CDH18: variants seen among roughly 807,000 people sequenced by gnomAD.
CDH18 encodes cadherin-18.
Under a neutral mutation model 67.9 loss-of-function variants are expected in CDH18, and 31 were observed. That is an observed-to-expected ratio of 0.46 (90% confidence interval 0.34 to 0.62). The LOEUF is 0.62. CDH18 is among the 20% of genes least tolerant of loss of function. The pLI, the probability that CDH18 is intolerant of heterozygous loss-of-function variation, is 0.01. For missense variants in CDH18, 890 were observed against 975.5 expected (o/e 0.91, Z 1.17); for synonymous variants, 362 against 347.2 (o/e 1.04, Z -0.48).
chr5:19,605,621 T>A (rs1747911081), intron 6 of CDH18, among the ~76,000 whole-genome samples: 1 of 151,930 alleles, frequency 6.6e-6, no homozygotes, highest in African/African-American at 2.4e-5. Context: ...ATAAAACAAC[T>A]CTAAAAGATG....
chr5:20,304,011 A>G (rs1397038574), intron 1 of CDH18: 1 of 1,176,660 alleles, frequency 8.5e-7, no homozygotes, highest in East Asian at 2.3e-5. Context: ...AGAAGCAGCA[A>G]CTTGGCAATA....
intron 2 of CDH18, among the ~76,000 whole-genome samples, chr5:20,033,339 T>A (rs917546391): frequency 1.3e-5 from 2 of 151,994 alleles, no homozygotes; most frequent in Admixed American, 6.6e-5. Flanking sequence ...GAAGGACAGG[T>A]ATGACCCTTA....
At chr5:20,130,793 C>A (rs1189906784) in intron 2 of CDH18, among the ~76,000 whole-genome samples, 1 of 152,044 alleles carries the variant, frequency 6.6e-6, no homozygotes, top group Non-Finnish European at 1.5e-5. Flanking sequence ...ATATTTTATT[C>A]CTTTTCAGAG....
intron 5 of CDH18, among the ~76,000 whole-genome samples, chr5:19,690,263 T>C (rs1234565722): frequency 2.0e-5 from 3 of 151,098 alleles, no homozygotes; most frequent in Non-Finnish European, 4.4e-5. Context: ...CAAATGAAAA[T>C]GAAAAAACAA....
intron 1 of CDH18, among the ~76,000 whole-genome samples, chr5:20,500,034 G>A (rs1025381296): frequency 1.3e-5 from 2 of 152,018 alleles, no homozygotes; most frequent in African/African-American, 2.4e-5. Context: ...TAGATATATA[G>A]ATAGAAATAT....
chr5:19,483,154 G>T, intron 12 of CDH18, 147 bp downstream of exon 12: 2 of 654,484 alleles, frequency 3.1e-6, no homozygotes, highest in South Asian at 4.5e-5. Context: ...TGAGATTAAT[G>T]ACAGTATTGA....
chr5:20,226,032 T>G (rs1269085659), intron 2 of CDH18, among the ~76,000 whole-genome samples: 1 of 152,106 alleles, frequency 6.6e-6, no homozygotes, highest in African/African-American at 2.4e-5. Flanking sequence ...ACTTCTGGAT[T>G]GAGCAAATGG....
At chr5:19,987,138 C>T (rs1799644920) in intron 1 of CDH18, among the ~76,000 whole-genome samples, 1 of 152,096 alleles carries the variant, frequency 6.6e-6, no homozygotes, top group Non-Finnish European at 1.5e-5. Flanking sequence ...TTGACTACAA[C>T]ATTAAATGCA....
intron 10 of CDH18, among the ~76,000 whole-genome samples, chr5:19,519,628 T>G (rs1746574422): frequency 6.6e-6 from 1 of 152,188 alleles, no homozygotes; most frequent in African/African-American, 2.4e-5. Flanking sequence ...ATGGCAAATG[T>G]GTTGATGCAT....
intron 2 of CDH18, among the ~76,000 whole-genome samples, chr5:20,008,151 G>A (rs1485531693): frequency 1.3e-5 from 2 of 152,006 alleles, no homozygotes; most frequent in African/African-American, 4.8e-5. Context: ...TCTTGTGTGT[G>A]TAGAGATGTG....
chr5:20,102,110 C>T (rs901573336), intron 2 of CDH18, among the ~76,000 whole-genome samples: 2 of 151,948 alleles, frequency 1.3e-5, no homozygotes, highest in Non-Finnish European at 2.9e-5. Context: ...ACAGCTAAAT[C>T]TCTCTTCATT....
chr5:19,906,009 C>G (rs544153275), intron 2 of CDH18, among the ~76,000 whole-genome samples: 43 of 152,162 alleles, frequency 2.8e-4, no homozygotes, highest in Admixed American at 1.9e-3. Flanking sequence ...TAGTCATTAA[C>G]ATACTTTTCA....
intron 1 of CDH18, among the ~76,000 whole-genome samples, chr5:20,274,390 C>G (rs1203908313): frequency 6.6e-6 from 1 of 151,852 alleles, no homozygotes; most frequent in African/African-American, 2.4e-5. Flanking sequence ...AGAAAAAAAA[C>G]CTACAAGGGT....
chr5:20,037,799 G>A (rs1235569215), intron 2 of CDH18, among the ~76,000 whole-genome samples: 7 of 151,936 alleles, frequency 4.6e-5, no homozygotes, highest in Non-Finnish European at 2.9e-5. Flanking sequence ...AAGAACTAGA[G>A]AAGCACGAGC....
intron 3 of CDH18, among the ~76,000 whole-genome samples, chr5:19,759,251 G>T (rs1035916959): frequency 2.6e-5 from 4 of 152,182 alleles, no homozygotes; most frequent in African/African-American, 9.7e-5. Context: ...AGGCCAAATG[G>T]AAGAGTTGAA....
intron 3 of CDH18, among the ~76,000 whole-genome samples, chr5:19,791,220 T>C (rs1355087580): frequency 6.6e-6 from 1 of 151,940 alleles, no homozygotes; most frequent in Admixed American, 6.6e-5. Flanking sequence ...CATTTGAAAA[T>C]GAGAGTGGCA....
intron 1 of CDH18, among the ~76,000 whole-genome samples, chr5:20,404,291 C>T (rs1272222390): frequency 6.6e-6 from 1 of 152,156 alleles, no homozygotes; most frequent in Non-Finnish European, 1.5e-5. Flanking sequence ...TGCAGTAGCA[C>T]TTTTTATTTT....
chr5:20,403,056 A>C (rs1301001410), intron 1 of CDH18, among the ~76,000 whole-genome samples: 1 of 150,350 alleles, frequency 6.7e-6, no homozygotes, highest in African/African-American at 2.4e-5. Context: ...GGTGGCACAC[A>C]CTTGTAATCC....
chr5:19,616,780 C>T (rs1749906319), intron 5 of CDH18, among the ~76,000 whole-genome samples: 1 of 152,102 alleles, frequency 6.6e-6, no homozygotes, highest in Non-Finnish European at 1.5e-5. Flanking sequence ...CTCACACTTC[C>T]AGAAGCTAGA....
Sources: allele counts gnomAD v4.1 joint callset (sites outside exome capture counted in the v4.1 genomes callset), GRCh38; gene constraint gnomAD v4.1.1; transcripts MANE v1.5; gene names NCBI Gene and HGNC (gene_info 2026-07-23, HGNC 2026-07-21).